Variants in SMG7 observed in about 807,000 individuals in gnomAD.
The protein encoded by SMG7 is SMG7 nonsense mediated mRNA decay factor.
In SMG7, 34 loss-of-function variants were observed where a neutral mutation model predicts 148.2. That is an observed-to-expected ratio of 0.23 (90% confidence interval 0.17 to 0.31). SMG7 has a LOEUF of 0.31. SMG7 is among the 10% of genes least tolerant of loss of function. SMG7 has a pLI of 1.00. For synonymous variants in SMG7, 492 were observed against 515.1 expected, an observed-to-expected ratio of 0.96 and a Z score of 0.61; for missense variants, 1,114 against 1,408.4, an observed-to-expected ratio of 0.79 and a Z score of 3.35.
In SMG7 at chr1:183,472,629, G is replaced by T. The variant is rs1418604467; in HGVS notation, c.9G>T (p.Leu3=). 2 of 1,466,716 alleles carry T rather than the reference G, an allele frequency of 1.4e-6. No homozygotes were observed. Among genetic ancestry groups the T allele is most frequent in the African/African-American group, 1.4e-5 (1 of 69,824 alleles). 90.9% of individuals were successfully genotyped at this position (1,466,716 alleles called of 1,614,324 possible). MS[L]QSAQYLRQAE... Reference sequence around the variant, plus strand: ...GGCGGCGGCGGCGGAGGATGAGCCTGCAGAGCGCGCAGTACCTCCGGTGAG... The same window carrying T: ...GGCGGCGGCGGCGGAGGATGAGCCTTCAGAGCGCGCAGTACCTCCGGTGAG... Residue 3 remains leucine, a synonymous_variant, in exon 1 of 23, where the codon CTG becomes CTT. Coordinates refer to ENST00000688051, the MANE Select transcript of SMG7 (RefSeq NM_001375584.1).
At chr1:183,477,811 T>C (rs1001123746) in intron 1 of SMG7, among the ~76,000 whole-genome samples, 1 of 148,356 alleles carries the variant, frequency 6.7e-6, no homozygotes, top group Non-Finnish European at 1.5e-5. Context: ...TATATGTGTC[T>C]ATGCACATAT....
intron 4 of SMG7, among the ~76,000 whole-genome samples, chr1:183,522,380 A>G (rs1664945944): frequency 6.6e-6 from 1 of 152,234 alleles, no homozygotes; most frequent in Non-Finnish European, 1.5e-5. Flanking sequence ...GGAAGCCAAG[A>G]GAAAAACATC....
At chr1:183,541,579 TCC>T (rs1438275425) in intron 13 of SMG7, among the ~76,000 whole-genome samples, 2 of 152,050 alleles carry the variant, frequency 1.3e-5, no homozygotes, top group African/African-American at 2.4e-5. Context: ...CGTTTCGAGT[TCC>T]GCAGCTTCTC....
chr1:183,482,439 TAA>T (rs551097580), intron 1 of SMG7, among the ~76,000 whole-genome samples: 1 of 142,296 alleles, frequency 7.0e-6, no homozygotes, highest in Admixed American at 7.0e-5. Context: ...TCATCTTAGG[TAA>T]AAAAAAAAAA....
chr1:183,508,221 TCTCA>T, intron 1 of SMG7: 1 of 691,166 alleles, frequency 1.4e-6, no homozygotes, highest in African/African-American at 1.9e-5. Context: ...GGAGACAAAG[TCTCA>T]CTCCATTGCC....
chr1:183,490,899 C>T (rs930174916), intron 1 of SMG7, among the ~76,000 whole-genome samples: 5 of 152,184 alleles, frequency 3.3e-5, no homozygotes, highest in African/African-American at 1.2e-4. Flanking sequence ...AATTCTCCTG[C>T]CTCAGCCTCC....
chr1:183,537,011 T>C, intron 10 of SMG7, 134 bp from the exon 11 acceptor site: 3 of 601,628 alleles, frequency 5.0e-6, no homozygotes, highest in Non-Finnish European at 5.9e-6. Context: ...TTAAAAATTA[T>C]ACAGCCTTTG....
chr1:183,491,129 G>A (rs1656863710), intron 1 of SMG7, among the ~76,000 whole-genome samples: 1 of 152,272 alleles, frequency 6.6e-6, no homozygotes, highest in South Asian at 2.1e-4. Flanking sequence ...TGTGCCTCAG[G>A]CAATCATTAC....
At position 183,533,189 on chromosome 1, in the gene SMG7, A is replaced by G. The variant is rs1324335117; in HGVS notation, c.869A>G (p.Asn290Ser). Residue 290 changes from asparagine to serine, a missense_variant, in exon 9 of 23, where the codon AAC becomes AGC. By Grantham distance (46) the Asn-to-Ser change is conservative. Transcript: ENST00000688051. ...FKRLLFQKAF[N>S]SQQLVHVTVI... ...AGGCTGCTATTCCAAAAAGCTTTCA[A>G]CTCTCAGCAGTTAGTTCATGTCACT... is the stretch of plus-strand genomic sequence containing the variant. 1 of 1,613,454 alleles carries G rather than the reference A, an allele frequency of 6.2e-7. No homozygotes were observed. Among genetic ancestry groups the G allele is most frequent in the African/African-American group, 1.3e-5 (1 of 74,834 alleles).
Position 183,552,765 on chromosome 1 carries a change from A to G in SMG7, c.*834A>G. 2 of 1,392,092 alleles carry G rather than the reference A, an allele frequency of 1.4e-6. No homozygotes were observed. The highest frequency in any genetic ancestry group is 2.9e-5 in the African/African-American group (2 of 69,062). 86.2% of individuals were successfully genotyped at this position (1,392,092 alleles called of 1,614,324 possible). ...CTGTACATTTTACAGTCGCACAGCA[A>G]GCAGTCTCACAGAAGGCAGGCTAGT... On this transcript the variant is annotated 3_prime_UTR_variant, in exon 23 of 23. Coordinates refer to ENST00000688051, the MANE Select transcript of SMG7 (RefSeq NM_001375584.1).
intron 11 of SMG7, 68 bp downstream of exon 11, chr1:183,537,283 G>A: frequency 1.7e-6 from 2 of 1,147,070 alleles, no homozygotes; most frequent in Admixed American, 1.8e-5. Flanking sequence ...TAATGCCAGA[G>A]AAAAAGAGGT....
At chr1:183,528,825 T>C in intron 6 of SMG7, 67 bp from the exon 7 acceptor site, 2 of 1,354,856 alleles carry the variant, frequency 1.5e-6, no homozygotes, top group Non-Finnish European at 2.1e-6. Flanking sequence ...ACACTGATCA[T>C]TTGTATTCTT....
chr1:183,553,055 C>T lies in SMG7; in HGVS notation c.*1124C>T. 1 of 1,536,234 alleles carries T rather than the reference C, an allele frequency of 6.5e-7. No individual in the cohort carries two copies. The highest frequency in any genetic ancestry group is 8.7e-7 in the Non-Finnish European group (1 of 1,146,934). ...AGGAAGCAGCAGTATCTGCGTAGCC[C>T]ACAGAGGGCCCAGGCCCCTGCCCAG... On this transcript the variant is annotated 3_prime_UTR_variant, in exon 23 of 23. Transcript: ENST00000688051.
chr1:183,528,671 C>T (rs555831726), intron 6 of SMG7, among the ~76,000 whole-genome samples: 16 of 152,270 alleles, frequency 1.1e-4, no homozygotes, highest in African/African-American at 2.6e-4. Flanking sequence ...TTGCTGAAGC[C>T]GCTCTCTACC....
Position 183,472,721 on chromosome 1 carries a change from AG to A in SMG7, c.29+74del. On this transcript the variant is annotated intron_variant, in intron 1 of 22. Coordinates refer to ENST00000688051, the MANE Select transcript of SMG7 (RefSeq NM_001375584.1). Reference sequence around the variant, plus strand: ...TTGGGGCATGGAGCAACAGACACCGAGGTAAGTCCGGGGTGGCGGGGGAGTT... The same window carrying A: ...TTGGGGCATGGAGCAACAGACACCGAGTAAGTCCGGGGTGGCGGGGGAGTT... 3.0e-6 allele frequency: 4 copies of A among 1,323,862 alleles called. No individual in the cohort carries two copies. The South Asian group carries it at 6.7e-5, about 22-fold the overall frequency. The allele number at this position is 1,323,862 out of a possible 1,614,324, so 82.0% of individuals were successfully genotyped here.
chr1:183,550,067 G>GA, intron 20 of SMG7, 144 bp downstream of exon 20: 4 of 629,318 alleles, frequency 6.4e-6, no homozygotes, highest in Admixed American at 3.6e-5. Flanking sequence ...ACTTCTGAAA[G>GA]GAAATAGAAA....
intron 1 of SMG7, among the ~76,000 whole-genome samples, chr1:183,483,925 C>T (rs560865315): frequency 1.6e-4 from 24 of 152,190 alleles, no homozygotes; most frequent in Admixed American, 3.9e-4. Context: ...TTTTGGCTCC[C>T]TAAGACAGCG....
chr1:183,516,037 TTCA>T (rs753383609), intron 3 of SMG7, 46 bp downstream of exon 3: 1 of 1,173,030 alleles, frequency 8.5e-7, no homozygotes, highest in Non-Finnish European at 1.3e-6. Flanking sequence ...GATCAAGAAT[TTCA>T]CCGAGACTTT....
chr1:183,474,322 G>A (rs1651552338), intron 1 of SMG7, among the ~76,000 whole-genome samples: 1 of 152,204 alleles, frequency 6.6e-6, no homozygotes, highest in Non-Finnish European at 1.5e-5. Flanking sequence ...CAGCACTTTG[G>A]GAGGCCTAGG....
Sources: allele counts gnomAD v4.1 joint callset (sites outside exome capture counted in the v4.1 genomes callset), GRCh38; gene constraint gnomAD v4.1.1; transcripts MANE v1.5; gene names NCBI Gene and HGNC (gene_info 2026-07-23, HGNC 2026-07-21).